Variants in PPEF1 observed in about 807,000 individuals in gnomAD.
The protein encoded by PPEF1 is protein phosphatase with EF-hand domain 1.
A neutral mutation model predicts 53.3 loss-of-function variants in PPEF1; 12 were observed. The ratio of observed to expected loss-of-function variants is 0.23; its 90% CI spans 0.14 to 0.36. The LOEUF (loss-of-function observed/expected upper bound fraction) is 0.36, where lower values mean the gene tolerates loss of function less well. Ranked by LOEUF, PPEF1 falls within the 10% of genes least tolerant of loss-of-function variation. PPEF1 has a pLI of 1.00. For synonymous variants in PPEF1, 165 were observed against 176.7 expected (o/e 0.93, Z 0.52); for missense variants, 334 against 490.4 (o/e 0.68, Z 3.01).
chrX:18,698,793 AAC>A (rs1929880302), intron 5 of PPEF1, among the ~76,000 whole-genome samples: 1 of 111,603 alleles, frequency 9.0e-6, no homozygotes, highest in African/African-American at 3.3e-5. Flanking sequence ...AAAATAAGAA[AAC>A]ACACACACAA....
chrX:18,763,225 CT>C (rs1407893111), intron 6 of PPEF1, among the ~76,000 whole-genome samples: 2 of 111,638 alleles, frequency 1.8e-5, no homozygotes, highest in Non-Finnish European at 3.8e-5. Context: ...ATCTTGTCTC[CT>C]GCTAAATCAT....
chrX:18,703,563 A>G (rs2044131656), upstream of PPEF1, among the ~76,000 whole-genome samples: 1 of 112,272 alleles, frequency 8.9e-6, no homozygotes, highest in South Asian at 3.6e-4. Context: ...TTGTTCATTC[A>G]TTCATTCATT....
chrX:18,811,615 ATTT>A (rs772854787), intron 12 of PPEF1, among the ~76,000 whole-genome samples: 16 of 8,227 alleles, frequency 1.9e-3, no homozygotes, highest in South Asian at 5.5e-3. Flanking sequence ...ATATATATAT[ATTT>A]TTTTTTTTTT....
At chrX:18,717,429 A>C (rs913469787) in intron 1 of PPEF1, among the ~76,000 whole-genome samples, 4 of 109,068 alleles carry the variant, frequency 3.7e-5, no homozygotes, top group African/African-American at 1.3e-4. Flanking sequence ...TTCCCTTTAA[A>C]ATAAGTCTTC....
intron 10 of PPEF1, among the ~76,000 whole-genome samples, chrX:18,796,834 C>A (rs2046440880): frequency 1.8e-5 from 2 of 111,589 alleles, no homozygotes; most frequent in African/African-American, 6.5e-5. Context: ...ACCTTGACAT[C>A]CAAATCCCAA....
At chrX:18,817,863 GCACA>G (rs1037264546) in intron 12 of PPEF1, among the ~76,000 whole-genome samples, 172 bp from the exon 13 acceptor site, 1 of 110,453 alleles carries the variant, frequency 9.1e-6, no homozygotes, top group Non-Finnish European at 1.9e-5. Flanking sequence ...ATGTGTGCAT[GCACA>G]CACACATACA....
At chrX:18,726,394 A>ATAAATAAC (rs1369424989) in intron 1 of PPEF1, among the ~76,000 whole-genome samples, 6 of 109,737 alleles carry the variant, frequency 5.5e-5, no homozygotes. Context: ...AAATAAATAA[A>ATAAATAAC]TGGCGGCCAT....
intron 6 of PPEF1, among the ~76,000 whole-genome samples, chrX:18,761,884 G>T (rs2045675115): frequency 9.0e-6 from 1 of 111,219 alleles, no homozygotes; most frequent in Admixed American, 9.6e-5. Context: ...TACAGGATGG[G>T]GAGGGATGCA....
intron 3 of PPEF1, among the ~76,000 whole-genome samples, chrX:18,747,472 G>T (rs1399770409): frequency 8.9e-6 from 1 of 112,037 alleles, no homozygotes; most frequent in Non-Finnish European, 1.9e-5. Flanking sequence ...TTTAAGCTAT[G>T]CTGCCTTTCT....
chrX:18,695,528 T>C (rs557692217), intron 4 of PPEF1, among the ~76,000 whole-genome samples: 1 of 112,113 alleles, frequency 8.9e-6, no homozygotes, highest in African/African-American at 3.2e-5. Flanking sequence ...AATAGCTGTT[T>C]CATGGATTCT....
chrX:18,743,446 C>CTTTTTTTTTTTTTTTTTTTT (rs72264344), intron 3 of PPEF1, among the ~76,000 whole-genome samples: 25 of 59,329 alleles, frequency 4.2e-4, no homozygotes, highest in African/African-American at 6.5e-4. Context: ...TTCTCTTTTT[C>CTTTTTTTTTTTTTTTTTTTT]TTTTTTTTTT....
intron 13 of PPEF1, among the ~76,000 whole-genome samples, chrX:18,819,905 C>T (rs1007724089): frequency 3.6e-5 from 4 of 111,614 alleles, no homozygotes; most frequent in African/African-American, 1.3e-4. Context: ...GACCTACACA[C>T]ATTTGTTGTG....
In PPEF1 at chrX:18,784,050, T is replaced by C; in HGVS notation, c.912+2T>C. On this transcript the variant is annotated splice_donor_variant, in intron 9 of 15. Transcript: ENST00000470157. LOFTEE classifies it high-confidence loss of function. ...CTCCACCGTGTAGAGAGGAACAAGG[T>C]AAGAAGTAATGTTGGCATGAATCTT... 8.4e-7 allele frequency: 1 copy of C among 1,184,906 alleles called. No individual in the cohort carries two copies. Among genetic ancestry groups the C allele is most frequent in the Non-Finnish European group, 1.1e-6 (1 of 883,328 alleles).
intron 6 of PPEF1, among the ~76,000 whole-genome samples, chrX:18,770,565 G>A (rs1479986195): frequency 2.7e-5 from 3 of 111,600 alleles, no homozygotes; most frequent in African/African-American, 9.8e-5. Context: ...TTTCTGAAAA[G>A]GTTAAGGCTT....
intron 1 of PPEF1, among the ~76,000 whole-genome samples, chrX:18,722,270 C>A (rs1337833638): frequency 8.9e-6 from 1 of 112,390 alleles, no homozygotes; most frequent in Non-Finnish European, 1.9e-5. Context: ...CGCTTAAAGC[C>A]TTTTGCTATT....
At chrX:18,756,614 A>C (rs1395058364) in intron 4 of PPEF1, among the ~76,000 whole-genome samples, 1 of 112,665 alleles carries the variant, frequency 8.9e-6, no homozygotes, top group East Asian at 2.8e-4. Context: ...CATCTGAGTT[A>C]ATCATCTTGA....
chrX:18,761,684 GTTA>G, intron 6 of PPEF1, 108 bp downstream of exon 6: 1 of 508,183 alleles, frequency 2.0e-6, no homozygotes, highest in Admixed American at 3.3e-5. Context: ...CAGATATAAT[GTTA>G]CTGTTTTTAA....
At chrX:18,733,623 A>T (rs1409666272) in intron 2 of PPEF1, 125 bp from the exon 3 acceptor site, 4 of 520,517 alleles carry the variant, frequency 7.7e-6, no homozygotes, top group Non-Finnish European at 1.3e-5. Flanking sequence ...GACCCTTAGC[A>T]CCTGCAGCAG....
intron 12 of PPEF1, among the ~76,000 whole-genome samples, chrX:18,811,104 G>A (rs1238170437): frequency 8.9e-6 from 1 of 111,911 alleles, no homozygotes; most frequent in Non-Finnish European, 1.9e-5. Flanking sequence ...CCAGGCTGGA[G>A]TGCAGTGGCA....
Sources: allele counts gnomAD v4.1 joint callset (sites outside exome capture counted in the v4.1 genomes callset), GRCh38; gene constraint gnomAD v4.1.1; transcripts MANE v1.5; gene names NCBI Gene and HGNC (gene_info 2026-07-23, HGNC 2026-07-21).